GALNT13: variants seen among roughly 807,000 people sequenced by gnomAD.
The protein encoded by GALNT13 is polypeptide N-acetylgalactosaminyltransferase 13.
GALNT13 carries 28 observed loss-of-function variants against 64.2 expected under a neutral mutation model. The ratio of observed to expected loss-of-function variants is 0.44; its 90% CI spans 0.32 to 0.60. The LOEUF is 0.60. GALNT13 is among the 20% of genes least tolerant of loss of function. GALNT13 has a pLI of 0.05. For synonymous variants in GALNT13, 214 were observed against 224.6 expected, an observed-to-expected ratio of 0.95 and a Z score of 0.42; for missense variants, 577 against 669.8, an observed-to-expected ratio of 0.86 and a Z score of 1.53.
chr2:154,189,469 C>CA (rs1686443992), intron 4 of GALNT13, among the ~76,000 whole-genome samples: 1 of 81,182 alleles, frequency 1.2e-5, no homozygotes, highest in African/African-American at 5.6e-5. Flanking sequence ...CTCACGTGCA[C>CA]ACCAAAAAAA....
At chr2:153,126,972 T>C in the GALNT13 span, among the ~76,000 whole-genome samples, 1 of 152,130 alleles carries the variant, frequency 6.6e-6, no homozygotes, top group Admixed American at 6.6e-5. Flanking sequence ...TCAGGGCAGA[T>C]GTGAGGAGTG....
the GALNT13 span, among the ~76,000 whole-genome samples, chr2:153,418,205 A>G: frequency 6.6e-6 from 1 of 152,194 alleles, no homozygotes; most frequent in Non-Finnish European, 1.5e-5. Context: ...GTGAGGTAAT[A>G]TGATTGCTAG....
intron 10 of GALNT13, among the ~76,000 whole-genome samples, chr2:154,408,438 G>T (rs1425468994): frequency 6.6e-6 from 1 of 151,912 alleles, no homozygotes; most frequent in Non-Finnish European, 1.5e-5. Context: ...TTTGACATTA[G>T]GCATGAAAGA....
At chr2:153,293,367 GA>G in the GALNT13 span, among the ~76,000 whole-genome samples, 2 of 152,242 alleles carry the variant, frequency 1.3e-5, no homozygotes, top group Non-Finnish European at 2.9e-5. Flanking sequence ...GGCAGAATCA[GA>G]GAAGATATGA....
intron 3 of GALNT13, among the ~76,000 whole-genome samples, chr2:153,992,084 T>C (rs1389479742): frequency 6.6e-6 from 1 of 152,196 alleles, no homozygotes; most frequent in East Asian, 1.9e-4. Flanking sequence ...AATAATAATA[T>C]CTGATAATTT....
chr2:153,819,534 T>C, the GALNT13 span, among the ~76,000 whole-genome samples: 2 of 152,154 alleles, frequency 1.3e-5, no homozygotes, highest in Non-Finnish European at 2.9e-5. Flanking sequence ...ATCAGGACAT[T>C]TGTGGGCAAG....
the GALNT13 span, among the ~76,000 whole-genome samples, chr2:153,706,528 C>T: frequency 9.2e-5 from 14 of 152,118 alleles, no homozygotes; most frequent in Non-Finnish European, 2.1e-4. Context: ...GTGAAATGGA[C>T]GGAGCAAGGC....
chr2:153,424,918 A>G, the GALNT13 span, among the ~76,000 whole-genome samples: 1 of 151,856 alleles, frequency 6.6e-6, no homozygotes, highest in Non-Finnish European at 1.5e-5. Context: ...ATATCAGACA[A>G]AAGTGAAAAA....
chr2:153,454,491 A>G, the GALNT13 span, among the ~76,000 whole-genome samples: 95 of 152,312 alleles, frequency 6.2e-4, no homozygotes, highest in Non-Finnish European at 1.3e-3. Context: ...TGCTCCTTGG[A>G]CAACTGAAAC....
chr2:153,846,741 T>A, the GALNT13 span, among the ~76,000 whole-genome samples: 1 of 152,000 alleles, frequency 6.6e-6, no homozygotes, highest in Admixed American at 6.6e-5. Context: ...CACTTATAAA[T>A]CAGGAATGAT....
the GALNT13 span, among the ~76,000 whole-genome samples, chr2:153,499,574 T>C: frequency 1.3e-5 from 2 of 152,140 alleles, no homozygotes; most frequent in Admixed American, 6.5e-5. Context: ...TGCCCAGGCT[T>C]TTCATGCCGA....
intron 4 of GALNT13, among the ~76,000 whole-genome samples, chr2:154,186,405 C>T (rs907545366): frequency 2.0e-5 from 3 of 152,032 alleles, no homozygotes; most frequent in Non-Finnish European, 2.9e-5. Flanking sequence ...GGCATGCTCT[C>T]CGTTTCATCT....
chr2:154,034,426 G>A (rs1183100874), intron 3 of GALNT13, among the ~76,000 whole-genome samples: 1 of 152,032 alleles, frequency 6.6e-6, no homozygotes, highest in Non-Finnish European at 1.5e-5. Flanking sequence ...GTTTCACTTG[G>A]CTTTCTATTT....
the GALNT13 span, among the ~76,000 whole-genome samples, chr2:153,559,334 G>A: frequency 6.6e-6 from 1 of 152,050 alleles, no homozygotes; most frequent in Non-Finnish European, 1.5e-5. Flanking sequence ...ACGTCCTAAC[G>A]GTCTCCCCTT....
chr2:153,425,296 G>A, the GALNT13 span, among the ~76,000 whole-genome samples: 4 of 151,738 alleles, frequency 2.6e-5, no homozygotes, highest in East Asian at 7.7e-4. Context: ...ATAGTTTTCA[G>A]TTATTCCTTT....
intron 4 of GALNT13, among the ~76,000 whole-genome samples, chr2:154,150,591 T>G (rs1334306972): frequency 6.6e-6 from 1 of 152,184 alleles, no homozygotes; most frequent in Admixed American, 6.5e-5. Flanking sequence ...CTATTGATTA[T>G]TGCCACAATT....
At chr2:153,252,986 G>C in the GALNT13 span, among the ~76,000 whole-genome samples, 3 of 151,674 alleles carry the variant, frequency 2.0e-5, no homozygotes, top group Non-Finnish European at 2.9e-5. Context: ...CTTTAAAGTA[G>C]TTTTTTCCAA....
the GALNT13 span, among the ~76,000 whole-genome samples, chr2:153,704,148 G>T: frequency 6.6e-6 from 1 of 151,902 alleles, no homozygotes; most frequent in Admixed American, 6.6e-5. Flanking sequence ...TATATATAAG[G>T]CATTCCATTA....
chr2:153,870,757 A>G (rs1024392915), upstream of GALNT13, among the ~76,000 whole-genome samples: 1 of 151,016 alleles, frequency 6.6e-6, no homozygotes, highest in African/African-American at 2.4e-5. Context: ...GATTAATAGT[A>G]TCATATGTTT....
Sources: allele counts gnomAD v4.1 joint callset (sites outside exome capture counted in the v4.1 genomes callset), GRCh38; gene constraint gnomAD v4.1.1; transcripts MANE v1.5; gene names NCBI Gene and HGNC (gene_info 2026-07-23, HGNC 2026-07-21).